IMMT: variants seen among roughly 807,000 people sequenced by gnomAD.
The protein encoded by IMMT is inner membrane mitochondrial protein.
Under a neutral mutation model 92.7 loss-of-function variants are expected in IMMT, and 40 were observed. The observed-to-expected ratio is 0.43, with a 90% CI of 0.34 to 0.56. The LOEUF (loss-of-function observed/expected upper bound fraction) is 0.56, where lower values mean the gene tolerates loss of function less well. Among genes scored for constraint, IMMT ranks in the 20% least tolerant of loss-of-function variants. IMMT has a pLI of 0.03. For missense variants in IMMT, 831 were observed against 912.1 expected (o/e 0.91, Z 1.14); for synonymous variants, 322 against 336.1 (o/e 0.96, Z 0.46).
In IMMT at chr2:86,151,422, C is replaced by T. The variant is rs775633808; in HGVS notation, c.1276G>A (p.Glu426Lys). 3.2e-5 allele frequency: 52 copies of T among 1,613,850 alleles called. No individual in the cohort carries two copies. The highest frequency in any genetic ancestry group is 4.2e-5 in the Non-Finnish European group (50 of 1,179,890). ...AAGGCTAACGTGATGTGCTGCTTTT[C>T]GGTGGCCTTCTGTTCTGCCAGCTCT... ...NRELAEQKAT[E>K]KQHITLALEK... The change falls in exon 12 of 15, where the codon GAA (glutamate) becomes AAA (lysine). Residue 426 changes from glutamate to lysine, a missense_variant. Transcript: ENST00000410111.
In IMMT at chr2:86,171,327, T is replaced by G; in HGVS notation, c.440A>C (p.Gln147Pro). The change falls in exon 5 of 15, where the codon CAA becomes CCA. Residue 147 changes from glutamine (Q) to proline (P), a missense_variant. Coordinates refer to ENST00000410111, the MANE Select transcript of IMMT (RefSeq NM_006839.3). ...ASATAPTEAAQIISAAGDTLS... is the reference protein window; with the variant it reads ...ASATAPTEAAPIISAAGDTLS... ...GGTATCACCTGCTGCAGAAATAATT[T>G]GAGCCGCTTCTGTAGGTGCTATAAA... The G allele has an allele frequency of 2.5e-6, 4 of 1,611,810 alleles. No homozygotes were observed. The highest frequency in any genetic ancestry group is 3.4e-6 in the Non-Finnish European group (4 of 1,178,826).
Position 86,173,907 on chromosome 2 carries a change from T to C in IMMT, c.310-146A>G, listed in dbSNP as rs569005329. The C allele has an allele frequency of 7.1e-6, 4 of 559,604 alleles. No homozygotes were observed. In the Admixed American group the frequency reaches 1.1e-4, roughly 15 times the overall value. 34.7% of individuals were successfully genotyped at this position (559,604 alleles called of 1,614,324 possible). A position where few individuals can be genotyped will look rare whatever the true frequency, so the allele number is the denominator to read the frequency against. ...TGTAACATATGTATTTTATTAAACA[T>C]AGTTGAGAGAAACCACCATTACTAG... On this transcript the variant is annotated intron_variant, in intron 3 of 14. Transcript: ENST00000410111.
intron 12 of IMMT, among the ~76,000 whole-genome samples, chr2:86,150,174 G>A (rs1197374080): frequency 2.0e-5 from 3 of 152,192 alleles, no homozygotes; most frequent in African/African-American, 7.2e-5. Context: ...TGATAAGCAT[G>A]AAATGACTAC....
chr2:86,179,991 T>C (rs1672323159), intron 2 of IMMT, among the ~76,000 whole-genome samples: 1 of 152,002 alleles, frequency 6.6e-6, no homozygotes, highest in Non-Finnish European at 1.5e-5. Context: ...GTAGGAGGAA[T>C]GCTTAAGACT....
At chr2:86,179,407 A>C in intron 3 of IMMT, 26 bp downstream of exon 3, 1 of 1,510,010 alleles carries the variant, frequency 6.6e-7, no homozygotes, top group Non-Finnish European at 8.9e-7. Flanking sequence ...CATTGGATAA[A>C]CTGAAATATT....
intron 10 of IMMT, among the ~76,000 whole-genome samples, chr2:86,156,404 C>A (rs1675858319): frequency 6.6e-6 from 1 of 151,878 alleles, no homozygotes; most frequent in African/African-American, 2.4e-5. Context: ...CCAGCCTGAC[C>A]AACATGGTGA....
intron 1 of IMMT, chr2:86,193,193 C>G (rs1673272338): frequency 6.6e-6 from 1 of 151,648 alleles, no homozygotes; most frequent in Non-Finnish European, 1.5e-5. Context: ...CATTTGAGCC[C>G]AGGAGTTCGA....
intron 1 of IMMT, among the ~76,000 whole-genome samples, chr2:86,191,337 C>CAA (rs1673102403): frequency 3.0e-5 from 4 of 131,612 alleles, no homozygotes; most frequent in African/African-American, 1.1e-4. Flanking sequence ...AGAGCAAGAC[C>CAA]CTATCTCAAA....
chr2:86,158,820 T>C, intron 9 of IMMT, 99 bp from the exon 10 acceptor site: 2 of 1,007,584 alleles, frequency 2.0e-6, no homozygotes, highest in Non-Finnish European at 2.9e-6. Context: ...TACATTTTGT[T>C]GGAAATGTGT....
At chr2:86,192,717 G>T (rs1673226041) in intron 1 of IMMT, among the ~76,000 whole-genome samples, 1 of 152,138 alleles carries the variant, frequency 6.6e-6, no homozygotes, top group Non-Finnish European at 1.5e-5. Flanking sequence ...AGGAAGGCAA[G>T]AGTAGTCAGA....
At chr2:86,154,170 A>C (rs111301745) in intron 10 of IMMT, among the ~76,000 whole-genome samples, 18 of 127,124 alleles carry the variant, frequency 1.4e-4, no homozygotes, top group African/African-American at 5.0e-4. Flanking sequence ...AGCAACCTAA[A>C]CATTTCTTTT....
chr2:86,191,336 C>CTG (rs1673101926), intron 1 of IMMT, among the ~76,000 whole-genome samples: 4 of 137,714 alleles, frequency 2.9e-5, no homozygotes, highest in African/African-American at 1.1e-4. Context: ...CAGAGCAAGA[C>CTG]CCTATCTCAA....
chr2:86,193,935 C>A (rs770034506), intron 1 of IMMT, among the ~76,000 whole-genome samples: 1 of 152,168 alleles, frequency 6.6e-6, no homozygotes, highest in African/African-American at 2.4e-5. Context: ...ATCACATAAG[C>A]CTTTTAAATC....
intron 10 of IMMT, among the ~76,000 whole-genome samples, chr2:86,157,924 C>T (rs1413998875): frequency 6.6e-6 from 1 of 151,434 alleles, no homozygotes; most frequent in Non-Finnish European, 1.5e-5. Flanking sequence ...GACTACACTC[C>T]AGCCTGGGCA....
At position 86,159,504 on chromosome 2, in the gene IMMT, A is replaced by G. The variant is rs1404436560; in HGVS notation, c.1032+32T>C. The G allele has an allele frequency of 4.9e-6, 7 of 1,424,208 alleles. No individual in the cohort carries two copies. In the African/African-American group the frequency reaches 9.9e-5, roughly 20 times the overall value. The allele number at this position is 1,424,208 out of a possible 1,614,324, so 88.2% of individuals were successfully genotyped here. The stretch of plus-strand genomic sequence containing the variant: ...ATCCTTTAAGAGATTATATTTTAAA[A>G]TATAAAATACTATAAGACTTAGGAA... On this transcript the variant is annotated intron_variant, in intron 9 of 14. Coordinates refer to ENST00000410111, the MANE Select transcript of IMMT (RefSeq NM_006839.3).
intron 12 of IMMT, among the ~76,000 whole-genome samples, chr2:86,149,715 T>C (rs1451092683): frequency 6.6e-6 from 1 of 151,934 alleles, no homozygotes; most frequent in East Asian, 1.9e-4. Flanking sequence ...CCGTCTCTAC[T>C]AAAAATACAA....
At chr2:86,159,491 A>G in intron 9 of IMMT, 45 bp downstream of exon 9, 1 of 1,368,084 alleles carries the variant, frequency 7.3e-7, no homozygotes, top group Non-Finnish European at 1.0e-6. Context: ...CCTTTAAGAG[A>G]TTATATTTTA....
intron 1 of IMMT, 66 bp downstream of exon 1, chr2:86,195,271 TC>T (rs2105805519): frequency 1.4e-6 from 2 of 1,437,846 alleles, no homozygotes; most frequent in Non-Finnish European, 9.3e-7. Context: ...CGACCAAGGC[TC>T]CCCCGTTTTT....
rs372457129 is a variant in IMMT at position 86,145,601 on chromosome 2, G to A, written c.1663+467C>T. On this transcript the variant is annotated intron_variant, in intron 14 of 14. Transcript: ENST00000410111. The stretch of plus-strand genomic sequence containing the variant: ...ATTGAATTTATTTTTATTGTTATGT[G>A]ACAAAAAAAGATTCCATAACATCCT... Among the ~76,000 whole-genome samples, 11 of 150,222 alleles carry A rather than the reference G, an allele frequency of 7.3e-5. No homozygotes were observed. The South Asian group carries it at 2.3e-3, about 32-fold the overall frequency.
Sources: allele counts gnomAD v4.1 joint callset (sites outside exome capture counted in the v4.1 genomes callset), GRCh38; gene constraint gnomAD v4.1.1; transcripts MANE v1.5; gene names NCBI Gene and HGNC (gene_info 2026-07-23, HGNC 2026-07-21).